The following ECE1 variants were observed in gnomAD, a reference collection of about 807,000 sequenced individuals.
The protein encoded by ECE1 is endothelin converting enzyme 1.
In ECE1, 35 loss-of-function variants were observed where a neutral mutation model predicts 98.6. The observed-to-expected ratio is 0.35, with a 90% CI of 0.27 to 0.47. The LOEUF is 0.47. Among genes scored for constraint, ECE1 ranks in the 20% least tolerant of loss-of-function variants. The pLI is 1.00. For missense variants in ECE1, 814 were observed against 1,025.3 expected (o/e 0.79, Z 2.81); for synonymous variants, 394 against 407.1 (o/e 0.97, Z 0.39).
chr1:21,334,081 C>G (rs1285023047), intron 1 of ECE1, among the ~76,000 whole-genome samples: 1 of 152,234 alleles, frequency 6.6e-6, no homozygotes, highest in Non-Finnish European at 1.5e-5. Flanking sequence ...CAACCCACAT[C>G]TGTCTGGCTC....
chr1:21,319,353 A>AATAATC lies in ECE1; in HGVS notation c.3+26017_3+26022dup, dbSNP rs375109003. ...GAGCGAGACTCCGTCTCAAAATAAT[A>AATAATC]ATAATCATAATCATAATCATAATCA... On this transcript the variant is annotated intron_variant, in intron 1 of 18. Transcript: ENST00000415912. This position sits in a 1 kb window ranked among gnomAD's most constrained non-coding sequence, Gnocchi z 4.4. 1.9e-3 allele frequency among the ~76,000 whole-genome samples: 279 copies of AATAATC among 150,064 alleles called. No individual in the cohort carries two copies. Among genetic ancestry groups the AATAATC allele is most frequent in the East Asian group, 0.012 (63 of 5,150 alleles).
At chr1:21,321,147 G>C (rs1558432085) in intron 1 of ECE1, among the ~76,000 whole-genome samples, 1 of 152,236 alleles carries the variant, frequency 6.6e-6, no homozygotes. Context: ...CCCAGAGCTA[G>C]TGCGTGGCGG....
intron 4 of ECE1, among the ~76,000 whole-genome samples, chr1:21,264,108 A>G (rs2098230688): frequency 6.6e-6 from 1 of 152,118 alleles, no homozygotes; most frequent in Non-Finnish European, 1.5e-5. Flanking sequence ...AGCTGCTGAC[A>G]CTGGGGAACC....
intron 3 of ECE1, among the ~76,000 whole-genome samples, chr1:21,273,953 G>A (rs1260191236): frequency 2.0e-5 from 3 of 152,232 alleles, no homozygotes; most frequent in Non-Finnish European, 4.4e-5. Context: ...GCAGAGGCCT[G>A]GCCTGAGGCA....
rs1393192831 is a variant in ECE1 at position 21,235,204 on chromosome 1, A to G, written c.1566+646T>C. 2.6e-5 allele frequency among the ~76,000 whole-genome samples: 4 copies of G among 152,244 alleles called. No homozygotes were observed. Among genetic ancestry groups the G allele is most frequent in the Non-Finnish European group, 4.4e-5 (3 of 68,044 alleles). On this transcript the variant is annotated intron_variant, in intron 13 of 18. Transcript: ENST00000374893. This position sits in a 1 kb window ranked among gnomAD's most constrained non-coding sequence, Gnocchi z 4.2. Reference sequence around the variant, plus strand: ...TCAAGTATTTCAATCACAAGAAGATATAAAACTTCATAATTTGAGGCAGAA... The same window carrying G: ...TCAAGTATTTCAATCACAAGAAGATGTAAAACTTCATAATTTGAGGCAGAA...
intron 1 of ECE1, among the ~76,000 whole-genome samples, chr1:21,324,736 C>G (rs2103406087): frequency 6.6e-6 from 1 of 152,332 alleles, no homozygotes; most frequent in South Asian, 2.1e-4. Flanking sequence ...CTCTGGGCCC[C>G]AGGAAGCCAG....
At chr1:21,318,705 AC>A (rs1638892610) in intron 1 of ECE1, among the ~76,000 whole-genome samples, 1 of 151,976 alleles carries the variant, frequency 6.6e-6, no homozygotes, top group Non-Finnish European at 1.5e-5. Flanking sequence ...GGCAGGCGAC[AC>A]CCCTGAGTTG....
intron 1 of ECE1, among the ~76,000 whole-genome samples, chr1:21,339,269 CAATA>C (rs1174810890): frequency 6.6e-6 from 1 of 152,172 alleles, no homozygotes; most frequent in Non-Finnish European, 1.5e-5. Flanking sequence ...CAAAGGTGAA[CAATA>C]AATAACCAGC....
chr1:21,220,136 G>A lies in ECE1; in HGVS notation c.2137-5C>T. 6.2e-7 allele frequency: 1 copy of A among 1,608,748 alleles called. No individual in the cohort carries two copies. The highest frequency in any genetic ancestry group is 8.5e-7 in the Non-Finnish European group (1 of 1,176,192). ...TGTGCGGACGGAGCACCAGACCTTT[G>A]AAGGGGCAACAGGGAGAGGCCAGGG... On this transcript the variant is annotated splice_region_variant and splice_polypyrimidine_tract_variant and intron_variant, in intron 18 of 18. Coordinates refer to ENST00000374893, the MANE Select transcript of ECE1 (RefSeq NM_001397.3). This position sits in a 1 kb window ranked among gnomAD's most constrained non-coding sequence, Gnocchi z 5.0.
At chr1:21,230,837 G>T (rs2098180811) in intron 14 of ECE1, among the ~76,000 whole-genome samples, 1 of 152,084 alleles carries the variant, frequency 6.6e-6, no homozygotes, top group Non-Finnish European at 1.5e-5. Flanking sequence ...TTTGAAAATA[G>T]TTATTTTCCA....
rs1375368527 is a variant in ECE1, at chr1:21,256,355, A to C, written c.829-217T>G. 2.0e-5 allele frequency among the ~76,000 whole-genome samples: 3 copies of C among 152,158 alleles called. No homozygotes were observed. In the East Asian group the frequency reaches 5.8e-4, roughly 29 times the overall value. On this transcript the variant is annotated intron_variant, in intron 7 of 18. Transcript: ENST00000374893. The stretch of plus-strand genomic sequence containing the variant: ...TGGATCACCTAAGGTCAGGAGTTTG[A>C]GACCAACCTGGCCAACATGGCGAAA...
intron 16 of ECE1, among the ~76,000 whole-genome samples, chr1:21,226,886 C>T (rs552402869): frequency 5.9e-5 from 9 of 152,194 alleles, no homozygotes; most frequent in Non-Finnish European, 1.2e-4. Flanking sequence ...CCACCATGCC[C>T]GGGTAATTTT....
At chr1:21,221,582 G>A (rs148522198) in intron 18 of ECE1, among the ~76,000 whole-genome samples, 165 bp downstream of exon 18, 1 of 152,310 alleles carries the variant, frequency 6.6e-6, no homozygotes, top group African/African-American at 2.4e-5. Context: ...GGTACTTTGG[G>A]CCCTTCCGTG....
At position 21,290,174 on chromosome 1, in the gene ECE1, GC is replaced by G; in HGVS notation, c.52-19del. ...GTCGACATCTGCAAGGCCAAATGCA[GC>G]ACGGACTCCCTCAGCGCCTCCATGG... On this transcript the variant is annotated intron_variant, in intron 1 of 18. Transcript: ENST00000374893. The surrounding 1 kb of genome is among the most constrained non-coding windows in gnomAD (Gnocchi z 7.3). 1 of 1,543,862 alleles carries G rather than the reference GC, an allele frequency of 6.5e-7. No homozygotes were observed. Among genetic ancestry groups the G allele is most frequent in the Admixed American group, 1.9e-5 (1 of 51,426 alleles).
chr1:21,285,781 C>T (rs974069341), intron 2 of ECE1, among the ~76,000 whole-genome samples: 4 of 151,410 alleles, frequency 2.6e-5, no homozygotes, highest in African/African-American at 7.3e-5. Flanking sequence ...CACCTGAGGT[C>T]GGGAGTTTGA....
chr1:21,247,762 T>G (rs2098205943), intron 8 of ECE1, among the ~76,000 whole-genome samples: 1 of 152,178 alleles, frequency 6.6e-6, no homozygotes, highest in Non-Finnish European at 1.5e-5. Context: ...TAGACAGGCC[T>G]GAAACAGTTG....
In ECE1 at chr1:21,279,257, A is replaced by C. The variant is rs199521200; in HGVS notation, c.214T>G (p.Leu72Val). 1.8e-4 allele frequency: 294 copies of C among 1,614,108 alleles called. No homozygotes were observed. Among genetic ancestry groups the C allele is most frequent in the South Asian group, 5.3e-4 (48 of 91,076 alleles). The change falls in exon 3 of 19, where the codon TTG (leucine) becomes GTG (valine). Residue 72 changes from leucine (L) to valine (V), a missense_variant. This residue lies in a region of ECE1 where 257 missense variants were observed against 278.9 expected (regional missense o/e 0.92). Transcript: ENST00000374893. The stretch of plus-strand genomic sequence containing the variant: ...AGTCCTGCCGCCAGAAGTACCACCA[A>C]CACCACCAGCCGCTTCTCCACCTGG... ...RTQVEKRLVV[L>V]VVLLAAGLVA... is the part of the protein sequence containing the mutation.
chr1:21,321,245 G>C (rs1343713774), intron 1 of ECE1, among the ~76,000 whole-genome samples: 1 of 152,124 alleles, frequency 6.6e-6, no homozygotes, highest in Non-Finnish European at 1.5e-5. Context: ...GGAGAGATAA[G>C]ACCCCATATA....
intron 1 of ECE1, among the ~76,000 whole-genome samples, chr1:21,318,011 C>T (rs114663980): frequency 0.063 from 9,620 of 152,256 alleles, 1,029 homozygotes; most frequent in African/African-American, 0.22. Flanking sequence ...GCAGGGCCTG[C>T]CCCTCCAAGG....
Sources: gnomAD v4.1 joint callset for allele counts (sites outside exome capture counted in the v4.1 genomes callset) on GRCh38, gnomAD v4.1.1 for gene constraint, gnomAD v4.1.1 regional missense constraint, Gnocchi (gnomAD v3.1) non-coding constraint, MANE v1.5 for transcripts, NCBI Gene and HGNC (gene_info 2026-07-23, HGNC 2026-07-21) for gene names.